MYO5C: variants seen among roughly 807,000 people sequenced by gnomAD.
The protein encoded by MYO5C is unconventional myosin-Vc.
Under a neutral mutation model 235.7 loss-of-function variants are expected in MYO5C, and 194 were observed. The ratio of observed to expected loss-of-function variants is 0.82; its 90% CI spans 0.73 to 0.93. The LOEUF (loss-of-function observed/expected upper bound fraction) is 0.93. Ranked by LOEUF, MYO5C falls within the 40% of genes least tolerant of loss-of-function variation. MYO5C has a pLI of 0.00. For synonymous variants in MYO5C, 707 were observed against 754.8 expected (o/e 0.94, Z 1.04); for missense variants, 2,038 against 2,127.2 (o/e 0.96, Z 0.82).
chr15:52,271,853 T>C lies in MYO5C; in HGVS notation c.751-9A>G, dbSNP rs760197880. On this transcript the variant is annotated splice_polypyrimidine_tract_variant and intron_variant, in intron 6 of 40. Coordinates refer to ENST00000261839, the MANE Select transcript of MYO5C (RefSeq NM_018728.4). ...TTTCGTTCATTTTCCGACTGTAAGA[T>C]AAAGAAATGTCCTCAAAATTACACC... 1.3e-6 allele frequency: 2 copies of C among 1,571,400 alleles called. No homozygotes were observed. Among genetic ancestry groups the C allele is most frequent in the Non-Finnish European group, 1.7e-6 (2 of 1,148,354 alleles).
rs1159253197 is a variant in MYO5C at position 52,248,756 on chromosome 15, C to G, written c.1690G>C (p.Glu564Gln). The change falls in exon 14 of 41, where the codon GAG becomes CAG. Residue 564 changes from glutamate to glutamine, a missense_variant. Glu to Gln is a conservative substitution (Grantham distance 29). Transcript: ENST00000261839. ...TCATAGACGGTGTCTCTGTTTTTCT[C>G]CAGGAAACCTTCACATTTATACTCT... ...KVEYKCEGFL[E>Q]KNRDTVYDML... 3 of 1,613,902 alleles carry G rather than the reference C, an allele frequency of 1.9e-6. No individual in the cohort carries two copies. In the African/African-American group the frequency reaches 4.0e-5, roughly 22 times the overall value.
chr15:52,214,267 T>G (rs548780577), intron 33 of MYO5C, among the ~76,000 whole-genome samples: 1 of 152,194 alleles, frequency 6.6e-6, no homozygotes, highest in East Asian at 1.9e-4. Flanking sequence ...ATCCTACATA[T>G]GTAACAGGGA....
At chr15:52,239,441 C>T (rs902570315) in intron 21 of MYO5C, among the ~76,000 whole-genome samples, 3 of 151,270 alleles carry the variant, frequency 2.0e-5, no homozygotes, top group Non-Finnish European at 4.4e-5. Context: ...ACCTTTGCCT[C>T]AAGGCAACAC....
intron 25 of MYO5C, among the ~76,000 whole-genome samples, chr15:52,225,887 TA>T (rs2035811091): frequency 6.6e-6 from 1 of 151,672 alleles, no homozygotes; most frequent in Non-Finnish European, 1.5e-5. Context: ...CCATCTCTAC[TA>T]AAAATACAAA....
At chr15:52,210,166 G>T (rs952176713) in intron 35 of MYO5C, among the ~76,000 whole-genome samples, 1 of 151,932 alleles carries the variant, frequency 6.6e-6, no homozygotes, top group Non-Finnish European at 1.5e-5. Flanking sequence ...GTTTTGCCAT[G>T]TTGCCCAGGC....
intron 33 of MYO5C, 108 bp from the exon 34 acceptor site, chr15:52,213,394 T>C (rs1439364262): frequency 1.3e-6 from 1 of 746,428 alleles, no homozygotes; most frequent in Admixed American, 2.1e-5. Flanking sequence ...CGTAAATGTC[T>C]GTGGCTTTCA....
At chr15:52,228,521 C>T (rs1334219567) in intron 25 of MYO5C, among the ~76,000 whole-genome samples, 1 of 152,122 alleles carries the variant, frequency 6.6e-6, no homozygotes, top group Non-Finnish European at 1.5e-5. Flanking sequence ...TAAAAATTTA[C>T]TTAAAAATTT....
intron 21 of MYO5C, among the ~76,000 whole-genome samples, chr15:52,238,943 A>G (rs141108494): frequency 3.6e-5 from 5 of 137,896 alleles, no homozygotes; most frequent in African/African-American, 1.4e-4. Flanking sequence ...ACCCAGCTGG[A>G]TGTTTCTTTT....
At chr15:52,219,092 C>T (rs2035618776) in intron 31 of MYO5C, among the ~76,000 whole-genome samples, 2 of 152,194 alleles carry the variant, frequency 1.3e-5, no homozygotes, top group African/African-American at 4.8e-5. Context: ...AGAAGAGTTC[C>T]AAAATGGTGC....
intron 13 of MYO5C, chr15:52,250,971 G>A (rs1182568668): frequency 6.5e-6 from 1 of 152,836 alleles, no homozygotes; most frequent in Non-Finnish European, 1.5e-5. Flanking sequence ...AAAAAAGCAC[G>A]AAGATAACCC....
chr15:52,218,806 T>A, intron 31 of MYO5C, 119 bp from the exon 32 acceptor site: 1 of 989,924 alleles, frequency 1.0e-6, no homozygotes, highest in Non-Finnish European at 1.5e-6. Context: ...AATTTCTGTG[T>A]AAAGCAAATA....
intron 21 of MYO5C, among the ~76,000 whole-genome samples, chr15:52,238,959 G>T (rs956117633): frequency 7.1e-6 from 1 of 141,570 alleles, no homozygotes; most frequent in African/African-American, 2.6e-5. Flanking sequence ...CTTTTCTTTT[G>T]TTTTTTTCTG....
chr15:52,223,867 A>C (rs1162187006), intron 28 of MYO5C, 143 bp from the exon 29 acceptor site: 1 of 635,654 alleles, frequency 1.6e-6, no homozygotes, highest in East Asian at 3.0e-5. Flanking sequence ...TACAGGCTAC[A>C]GAATCAGGAA....
Position 52,195,360 on chromosome 15 carries a change from A to AT in MYO5C, c.5076+16dup. On this transcript the variant is annotated intron_variant, in intron 40 of 40. Transcript: ENST00000261839. ...GTTAGGAAGTAAAATTAAAAGGCAC[A>AT]TCCTTAAGAATCTCACCTGTACTTT... The AT allele has an allele frequency of 4.5e-6, 7 of 1,567,214 alleles. No homozygotes were observed. Among genetic ancestry groups the AT allele is most frequent in the Non-Finnish European group, 5.3e-6 (6 of 1,142,048 alleles).
At chr15:52,208,743 T>A in intron 35 of MYO5C, 100 bp from the exon 36 acceptor site, 1 of 947,894 alleles carries the variant, frequency 1.1e-6, no homozygotes. Context: ...AAAATTAGTT[T>A]TTCTTTTATT....
At chr15:52,254,480 C>G (rs1402431354) in intron 11 of MYO5C, among the ~76,000 whole-genome samples, 3 of 152,168 alleles carry the variant, frequency 2.0e-5, no homozygotes, top group Non-Finnish European at 4.4e-5. Flanking sequence ...TCTACACTTG[C>G]TACTGCTGAG....
intron 11 of MYO5C, 56 bp downstream of exon 11, chr15:52,256,583 A>ACGCGCG (rs750543678): frequency 9.8e-6 from 9 of 915,728 alleles, no homozygotes; most frequent in Admixed American, 2.8e-5. Flanking sequence ...ACACACACAC[A>ACGCGCG]CACACGCGCG....
At chr15:52,241,496 T>G (rs1373828001) in intron 20 of MYO5C, among the ~76,000 whole-genome samples, 1 of 152,122 alleles carries the variant, frequency 6.6e-6, no homozygotes, top group Non-Finnish European at 1.5e-5. Flanking sequence ...CCTGACCTCA[T>G]GATCCACTCA....
Position 52,282,827 on chromosome 15 carries a change from G to A in MYO5C, c.93C>T (p.Tyr31=), listed in dbSNP as rs1477819791. ...VWKSAEIAKD[Y]RVGDKVLRLL... ...GTCGCAGGACCTTGTCACCAACTCTGTAGTCCTTGGCTATTTCAGCAGACT... is the reference window on the plus strand; with the variant it reads ...GTCGCAGGACCTTGTCACCAACTCTATAGTCCTTGGCTATTTCAGCAGACT... The change falls in exon 2 of 41, where the codon TAC becomes TAT. Residue 31 remains tyrosine (Y), a synonymous_variant. Transcript: ENST00000261839. 1 of 1,614,080 alleles carries A rather than the reference G, an allele frequency of 6.2e-7. No individual in the cohort carries two copies. The highest frequency in any genetic ancestry group is 1.7e-5 in the Admixed American group (1 of 60,026).
Sources: gnomAD v4.1 joint callset for allele counts (sites outside exome capture counted in the v4.1 genomes callset) on GRCh38, gnomAD v4.1.1 for gene constraint, MANE v1.5 for transcripts, NCBI Gene and HGNC (gene_info 2026-07-23, HGNC 2026-07-21) for gene names.